The following CACNA1A variants were observed in gnomAD, a reference collection of about 807,000 sequenced individuals.
CACNA1A encodes the protein calcium voltage-gated channel subunit alpha1 A.
CACNA1A carries 57 observed loss-of-function variants against 262.4 expected under a neutral mutation model. The observed-to-expected ratio is 0.22, with a 90% confidence interval of 0.18 to 0.27. CACNA1A has a LOEUF of 0.27. CACNA1A is among the 10% of genes least tolerant of loss of function. The pLI is 1.00. For missense variants in CACNA1A, 2,526 were observed against 3,562.8 expected (o/e 0.71, Z 7.41); for synonymous variants, 1,431 against 1,419.3 (o/e 1.01, Z -0.18).
intron 46 of CACNA1A, among the ~76,000 whole-genome samples, chr19:13,208,483 G>C: frequency 7.4e-6 from 1 of 135,808 alleles, no homozygotes; most frequent in Non-Finnish European, 1.6e-5. Context: ...ACTCAAATAT[G>C]ATCCACAACC....
intron 31 of CACNA1A, among the ~76,000 whole-genome samples, chr19:13,238,595 A>ATTT (rs113456944): frequency 6.8e-5 from 10 of 147,442 alleles, no homozygotes; most frequent in East Asian, 2.0e-4. Context: ...ATCACCCAGT[A>ATTT]TTTTTTTTTT....
At position 13,376,733 on chromosome 19, in the gene CACNA1A, A is replaced by G. The variant is rs865797582; in HGVS notation, c.540-4954T>C. ...ACACTACACATAATATATGTTATAT[A>G]TGATATATATAACACAATATGTTAT... On this transcript the variant is annotated intron_variant, in intron 3 of 46. Coordinates refer to ENST00000360228, the MANE Select transcript of CACNA1A (RefSeq NM_001127222.2). 1.3e-4 allele frequency among the ~76,000 whole-genome samples: 19 copies of G among 148,010 alleles called. 1 individual carries two copies. The highest frequency in any genetic ancestry group is 2.1e-4 in the South Asian group (1 of 4,754).
chr19:13,463,742 T>C (rs769062695), intron 1 of CACNA1A, among the ~76,000 whole-genome samples: 2 of 152,262 alleles, frequency 1.3e-5, no homozygotes, highest in Admixed American at 6.5e-5. Flanking sequence ...TTGTTTTTCA[T>C]ATTATCCAAC....
chr19:13,308,565 T>C lies in CACNA1A; in HGVS notation c.1669-37A>G, dbSNP rs754848228. The C allele has an allele frequency of 4.4e-6, 6 of 1,362,444 alleles. No homozygotes were observed. In the African/African-American group the frequency reaches 5.8e-5, roughly 13 times the overall value. 84.4% of individuals were successfully genotyped at this position (1,362,444 alleles called of 1,614,324 possible). A position where few individuals can be genotyped will look rare whatever the true frequency, so the allele number is the denominator to read the frequency against. On this transcript the variant is annotated intron_variant, in intron 12 of 46. Transcript: ENST00000360228. This position sits in a 1 kb window ranked among gnomAD's most constrained non-coding sequence, Gnocchi z 4.2. ...AACCTGGTCTCATGTCCAGGGACAG[T>C]GTCTGGGCTCCAGAACTGGCAAGCA...
chr19:13,267,745 C>T (rs2056897459), intron 24 of CACNA1A, among the ~76,000 whole-genome samples: 1 of 151,846 alleles, frequency 6.6e-6, no homozygotes, highest in African/African-American at 2.4e-5. Flanking sequence ...AAGTTCGAGA[C>T]CAGCCTGGAC....
chr19:13,268,893 C>CTTTTTTTTTTTTTT, intron 24 of CACNA1A, among the ~76,000 whole-genome samples: 1 of 107,948 alleles, frequency 9.3e-6, no homozygotes, highest in Non-Finnish European at 1.8e-5. Context: ...ATAGATTCTA[C>CTTTTTTTTTTTTTT]TTTTTTTTTT....
chr19:13,263,426 C>CTTTTT, intron 24 of CACNA1A: 1 of 154,162 alleles, frequency 6.5e-6, no homozygotes, highest in South Asian at 2.0e-4. Flanking sequence ...TCCTCACCCT[C>CTTTTT]TCAAAGTGCT....
chr19:13,319,057 T>G (rs978370793), intron 10 of CACNA1A, among the ~76,000 whole-genome samples: 2 of 151,888 alleles, frequency 1.3e-5, no homozygotes, highest in Non-Finnish European at 2.9e-5. Context: ...CCCGCTTAAT[T>G]AAAACAATTT....
chr19:13,387,295 A>T (rs2059632027), intron 3 of CACNA1A, among the ~76,000 whole-genome samples: 2 of 152,138 alleles, frequency 1.3e-5, no homozygotes, highest in South Asian at 4.1e-4. Flanking sequence ...GTCATATCAG[A>T]ACCTGCTGAT....
Position 13,227,152 on chromosome 19 carries a change from G to A in CACNA1A, c.5625+279C>T, listed in dbSNP as rs3786935. ...AGACCAGGTGCAAGGGGACCTGGGC[G>A]CTCCCCTCCCCCTCCCCCCGGCATG... On this transcript the variant is annotated intron_variant, in intron 37 of 46. Coordinates refer to ENST00000360228, the MANE Select transcript of CACNA1A (RefSeq NM_001127222.2). 34,984 of 221,816 alleles carry A rather than the reference G, an allele frequency of 0.16. 3,414 individuals are homozygous for A. Among genetic ancestry groups the A allele is most frequent in the Middle Eastern group, 0.29 (202 of 688 alleles). 13.7% of individuals were successfully genotyped at this position (221,816 alleles called of 1,614,324 possible).
At chr19:13,229,594 G>C (rs1330109420) in intron 36 of CACNA1A, 1 of 153,908 alleles carries the variant, frequency 6.5e-6, no homozygotes, top group Non-Finnish European at 1.4e-5. Context: ...CCCCTGGCCT[G>C]TATGTCCTCT....
intron 3 of CACNA1A, among the ~76,000 whole-genome samples, chr19:13,418,601 G>A (rs977164483): frequency 1.3e-5 from 2 of 152,076 alleles, no homozygotes; most frequent in East Asian, 1.9e-4. Context: ...AGAGGAGAAC[G>A]CCCTGTCACC....
At position 13,214,151 on chromosome 19, in the gene CACNA1A, C is replaced by T; in HGVS notation, c.5940+82G>A. 2.6e-6 allele frequency: 3 copies of T among 1,151,628 alleles called. No individual in the cohort carries two copies. Among genetic ancestry groups the T allele is most frequent in the South Asian group, 1.3e-5 (1 of 75,506 alleles). 71.3% of individuals were successfully genotyped at this position (1,151,628 alleles called of 1,614,324 possible). On this transcript the variant is annotated intron_variant, in intron 40 of 46. Transcript: ENST00000360228. The surrounding 1 kb of genome is among the most constrained non-coding windows in gnomAD (Gnocchi z 4.1). ...GGGACCTGCCCTGGGGCTCAGCCAC[C>T]CTCATATTCCAGTTGGTTCCCGTGG...
At chr19:13,499,844 G>A (rs1464755614) in intron 1 of CACNA1A, among the ~76,000 whole-genome samples, 3 of 152,080 alleles carry the variant, frequency 2.0e-5, no homozygotes, top group Admixed American at 6.5e-5. Context: ...TGGCATTCTC[G>A]GAAATGCGTT....
At chr19:13,313,508 A>AAC (rs2058073522) in intron 11 of CACNA1A, among the ~76,000 whole-genome samples, 1 of 150,690 alleles carries the variant, frequency 6.6e-6, no homozygotes, top group Non-Finnish European at 1.5e-5. Flanking sequence ...TAAAAAAAAA[A>AAC]AAAAAAAAAA....
At chr19:13,303,995 C>T in intron 15 of CACNA1A, 111 bp from the exon 16 acceptor site, 1 of 739,914 alleles carries the variant, frequency 1.4e-6, no homozygotes, top group Non-Finnish European at 2.3e-6. Flanking sequence ...CCCAGGAGGT[C>T]TTTAACAATC....
rs1201295050 is a variant in CACNA1A at position 13,212,429 on chromosome 19, T to C, written c.6144A>G (p.Glu2048=). 1 of 1,612,954 alleles carries C rather than the reference T, an allele frequency of 6.2e-7. No homozygotes were observed. Among genetic ancestry groups the C allele is most frequent in the African/African-American group, 1.3e-5 (1 of 74,882 alleles). ...TGGGCATGTCGGTAGGGGGGCCTTG[T>C]TCCGGACTCCATGTGCCCGTCTTCT... ...MFQKTGTWSP[E]QGPPTDMPNS... is the part of the protein sequence containing the mutation. The change falls in exon 42 of 47, where the codon GAA becomes GAG. Residue 2048 remains glutamate (E), a synonymous_variant. Coordinates refer to ENST00000360228, the MANE Select transcript of CACNA1A (RefSeq NM_001127222.2). The surrounding 1 kb of genome is among the most constrained non-coding windows in gnomAD (Gnocchi z 5.6).
intron 36 of CACNA1A, chr19:13,228,983 C>T (rs750339111): frequency 3.1e-5 from 11 of 356,346 alleles, no homozygotes; most frequent in Middle Eastern, 1.6e-3. Flanking sequence ...GGATGTCAGT[C>T]GAGTTCGGGA....
At chr19:13,317,396 C>G in intron 10 of CACNA1A, 75 bp from the exon 11 acceptor site, 4 of 1,285,098 alleles carry the variant, frequency 3.1e-6, no homozygotes, top group Non-Finnish European at 4.4e-6. Context: ...GCAGCCCAAG[C>G]ACAGATTTTA....
Sources: allele counts gnomAD v4.1 joint callset (sites outside exome capture counted in the v4.1 genomes callset), GRCh38; gene constraint gnomAD v4.1.1; non-coding constraint Gnocchi (gnomAD v3.1); transcripts MANE v1.5; gene names NCBI Gene and HGNC (gene_info 2026-07-23, HGNC 2026-07-21).